STRN: variants seen among roughly 807,000 people sequenced by gnomAD.
The protein encoded by STRN is striatin, also known as protein phosphatase 2 regulatory subunit B'''alpha.
In STRN, 53 loss-of-function variants were observed where a neutral mutation model predicts 96.3. That is an observed-to-expected ratio of 0.55 (90% CI 0.44 to 0.69). The LOEUF is 0.69. Ranked by LOEUF, STRN falls within the 30% of genes least tolerant of loss-of-function variation. The probability of loss-of-function intolerance (pLI) is 0.00; values close to 1 mark genes in which losing one functional copy is unlikely to be tolerated. For synonymous variants in STRN, 428 were observed against 355.9 expected (o/e 1.20, Z -2.28); for missense variants, 987 against 963.9 (o/e 1.02, Z -0.32).
Position 36,923,085 on chromosome 2 carries a change from T to G in STRN, c.338+2020A>C, listed in dbSNP as rs140700469. On this transcript the variant is annotated intron_variant, in intron 2 of 17. Transcript: ENST00000263918. ...TGAACCCAGGAGGTGGAGGTTGCAG[T>G]GAGCCAAGATCGTACCACTGCACTC... Among the ~76,000 whole-genome samples the G allele has an allele frequency of 5.4e-3, 793 of 148,082 alleles. 7 individuals carry two copies. The highest frequency in any genetic ancestry group is 0.019 in the African/African-American group (737 of 39,776).
At position 36,838,049 on chromosome 2, in the gene STRN, T is replaced by A. The variant is rs1392338590; in HGVS notation, c.*11407A>T. Among the ~76,000 whole-genome samples the A allele has an allele frequency of 1.3e-5, 2 of 152,226 alleles. No individual in the cohort carries two copies. The highest frequency in any genetic ancestry group is 4.8e-5 in the African/African-American group (2 of 41,460). ...TGGCAGATGTAATTAAAGCTACTAA[T>A]CAGTTGACCTTAACAATCTGGGTGT... On this transcript the variant is annotated 3_prime_UTR_variant, in exon 18 of 18. Coordinates refer to ENST00000263918, the MANE Select transcript of STRN (RefSeq NM_003162.4).
chr2:36,900,468 T>A (rs1315859523), intron 5 of STRN, among the ~76,000 whole-genome samples: 2 of 152,202 alleles, frequency 1.3e-5, no homozygotes, highest in Non-Finnish European at 1.5e-5. Context: ...ATAAAGTTAC[T>A]AACAGCAATA....
chr2:36,905,063 G>A (rs536588233), intron 4 of STRN, among the ~76,000 whole-genome samples: 41 of 150,924 alleles, frequency 2.7e-4, no homozygotes, highest in South Asian at 6.3e-4. Context: ...TCCACCTCCC[G>A]GGTTCAAGCA....
chr2:36,955,728 A>G (rs1163021657), intron 1 of STRN, among the ~76,000 whole-genome samples: 2 of 152,072 alleles, frequency 1.3e-5, no homozygotes, highest in Non-Finnish European at 2.9e-5. Flanking sequence ...CCTACCTCCA[A>G]CACACAACTC....
At chr2:36,916,200 T>C in intron 2 of STRN, 49 bp from the exon 3 acceptor site, 1 of 1,460,774 alleles carries the variant, frequency 6.8e-7, no homozygotes, top group Non-Finnish European at 9.6e-7. Flanking sequence ...ATGTTTAAAT[T>C]AACATACACA....
At chr2:36,965,267 C>A (rs1338445612) in intron 1 of STRN, among the ~76,000 whole-genome samples, 2 of 152,198 alleles carry the variant, frequency 1.3e-5, no homozygotes, top group Non-Finnish European at 2.9e-5. Context: ...ATTCATAGTT[C>A]TTTAAGTTCC....
chr2:36,960,419 C>T (rs1049063444), intron 1 of STRN, among the ~76,000 whole-genome samples: 33 of 152,136 alleles, frequency 2.2e-4, no homozygotes, highest in Non-Finnish European at 1.3e-4. Flanking sequence ...CTCAGGATGG[C>T]ACTTGTATGC....
chr2:36,917,538 G>GAAAAAAAAAAAAAAAAAAAAAA (rs576754026), intron 2 of STRN, among the ~76,000 whole-genome samples: 1 of 88,650 alleles, frequency 1.1e-5, no homozygotes, highest in Non-Finnish European at 2.6e-5. Flanking sequence ...ACAAAAAAAA[G>GAAAAAAAAAAAAAAAAAAAAAA]AAAAAAAAAA....
At chr2:36,931,423 A>G (rs1336703977) in intron 1 of STRN, among the ~76,000 whole-genome samples, 1 of 152,258 alleles carries the variant, frequency 6.6e-6, no homozygotes, top group African/African-American at 2.4e-5. Flanking sequence ...GTTAGGGTAC[A>G]AGACCAGCTT....
intron 16 of STRN, 36 bp downstream of exon 16, chr2:36,850,964 T>TTC: frequency 6.6e-7 from 1 of 1,524,682 alleles, no homozygotes; most frequent in South Asian, 1.2e-5. Context: ...TTTTTTTTTT[T>TTC]GCTTTAATAA....
chr2:36,848,185 T>A lies in STRN; in HGVS notation c.*1271A>T, dbSNP rs1668128490. ...TTCCCCAGAAACAATACTGATCCAC[T>A]GCCCATTAAAACATGTATATCTCAA... is the stretch of plus-strand genomic sequence containing the variant. On this transcript the variant is annotated 3_prime_UTR_variant, in exon 18 of 18. Transcript: ENST00000263918. 1.3e-5 allele frequency: 2 copies of A among 152,146 alleles called. No homozygotes were observed. Among genetic ancestry groups the A allele is most frequent in the East Asian group, 3.8e-4 (2 of 5,204 alleles). 9.4% of individuals were successfully genotyped at this position (152,146 alleles called of 1,614,324 possible).
chr2:36,887,175 T>G (rs1302882329), intron 7 of STRN, among the ~76,000 whole-genome samples: 1 of 151,344 alleles, frequency 6.6e-6, no homozygotes, highest in Non-Finnish European at 1.5e-5. Context: ...ACGCCTATAA[T>G]TCCAGCACTT....
At position 36,894,102 on chromosome 2, in the gene STRN, A is replaced by C. The variant is rs992402770; in HGVS notation, c.796-69T>G. 3.9e-6 allele frequency: 6 copies of C among 1,523,948 alleles called. No homozygotes were observed. The African/African-American group carries it at 8.4e-5, about 21-fold the overall frequency. 94.4% of individuals were successfully genotyped at this position (1,523,948 alleles called of 1,614,324 possible). A position where few individuals can be genotyped will look rare whatever the true frequency, so the allele number is the denominator to read the frequency against. On this transcript the variant is annotated intron_variant, in intron 6 of 17. Transcript: ENST00000263918. ...CTTTACCACTGAATAAGAAAATTCAATTATTTTCTTCAGAAAGTATACGTT... is the reference window on the plus strand; with the variant it reads ...CTTTACCACTGAATAAGAAAATTCACTTATTTTCTTCAGAAAGTATACGTT...
chr2:36,869,866 T>G (rs2110942), intron 10 of STRN, 137 bp from the exon 11 acceptor site: 6 of 664,062 alleles, frequency 9.0e-6, no homozygotes, highest in Non-Finnish European at 1.3e-5. Context: ...AATTTTTATA[T>G]GTAAATAACC....
Position 36,844,621 on chromosome 2 carries a change from T to A in STRN, c.*4835A>T, listed in dbSNP as rs1668021031. On this transcript the variant is annotated 3_prime_UTR_variant, in exon 18 of 18. Coordinates refer to ENST00000263918, the MANE Select transcript of STRN (RefSeq NM_003162.4). ...GACCCCCTAAGCACCACTTTAGGAA[T>A]ACCGCCAGAATCAATGAGTGGGATC... The A allele has an allele frequency of 6.6e-6, 1 of 152,138 alleles. No individual in the cohort carries two copies. Among genetic ancestry groups the A allele is most frequent in the African/African-American group, 2.4e-5 (1 of 41,440 alleles). 9.4% of individuals were successfully genotyped at this position (152,138 alleles called of 1,614,324 possible).
At chr2:36,857,409 T>C (rs1668373173) in intron 14 of STRN, among the ~76,000 whole-genome samples, 1 of 152,102 alleles carries the variant, frequency 6.6e-6, no homozygotes, top group Admixed American at 6.5e-5. Context: ...GTGCAGTGGC[T>C]CATGCCTGTA....
Position 36,842,808 on chromosome 2 carries a change from G to C in STRN, c.*6648C>G, listed in dbSNP as rs187688924. Among the ~76,000 whole-genome samples the C allele has an allele frequency of 7.2e-5, 11 of 152,196 alleles. No homozygotes were observed. The highest frequency in any genetic ancestry group is 1.6e-4 in the Non-Finnish European group (11 of 68,012). On this transcript the variant is annotated 3_prime_UTR_variant, in exon 18 of 18. Transcript: ENST00000263918. ...CGGATTCCAATTTTCAGAGCCGTAT[G>C]TCAGTGCTTCCTTAGAGAACTGGAG...
At position 36,893,891 on chromosome 2, in the gene STRN, T is replaced by A. The variant is rs1669468509; in HGVS notation, c.931+7A>T. The A allele has an allele frequency of 6.3e-7, 1 of 1,599,046 alleles. No homozygotes were observed. The highest frequency in any genetic ancestry group is 1.4e-5 in the African/African-American group (1 of 74,060). On this transcript the variant is annotated splice_region_variant and intron_variant, in intron 7 of 17. Coordinates refer to ENST00000263918, the MANE Select transcript of STRN (RefSeq NM_003162.4). ...CATCTCTGGTTGGATCCAGTATGCT[T>A]CCTTACCCCAGTCTGTTCCATCGCC...
At chr2:36,867,964 A>T in intron 11 of STRN, 103 bp from the exon 12 acceptor site, 1 of 837,384 alleles carries the variant, frequency 1.2e-6, no homozygotes, top group Non-Finnish European at 1.8e-6. Context: ...TTATGGGAAT[A>T]TACCATTCTC....
Sources: allele counts gnomAD v4.1 joint callset (sites outside exome capture counted in the v4.1 genomes callset), GRCh38; gene constraint gnomAD v4.1.1; transcripts MANE v1.5; gene names NCBI Gene and HGNC (gene_info 2026-07-23, HGNC 2026-07-21).